SFXN5: variants seen among roughly 807,000 people sequenced by gnomAD.
The protein encoded by SFXN5 is sideroflexin 5.
Under a neutral mutation model 50.2 loss-of-function variants are expected in SFXN5, and 43 were observed. That is an observed-to-expected ratio of 0.86 (90% confidence interval 0.67 to 1.11). The LOEUF (loss-of-function observed/expected upper bound fraction) is 1.11, where lower values mean the gene tolerates loss of function less well. Among genes scored for constraint, SFXN5 ranks in the 50% least tolerant of loss-of-function variants. The pLI is 0.00. For synonymous variants in SFXN5, 203 were observed against 185.8 expected (o/e 1.09, Z -0.75); for missense variants, 463 against 454.1 (o/e 1.02, Z -0.18).
At chr2:72,965,200 G>A (rs534154281) in intron 12 of SFXN5, among the ~76,000 whole-genome samples, 14 of 152,296 alleles carry the variant, frequency 9.2e-5, no homozygotes, top group African/African-American at 2.2e-4. Flanking sequence ...GCACGCTGGC[G>A]GAAGGGCACA....
intron 3 of SFXN5, among the ~76,000 whole-genome samples, chr2:73,029,133 C>T (rs912870378): frequency 2.0e-5 from 3 of 152,126 alleles, no homozygotes; most frequent in Admixed American, 6.5e-5. Context: ...TGTCCCCGAG[C>T]CTCCCACGGA....
intron 3 of SFXN5, among the ~76,000 whole-genome samples, chr2:73,025,592 C>G (rs1344566094): frequency 1.3e-5 from 2 of 152,148 alleles, no homozygotes; most frequent in African/African-American, 4.8e-5. Context: ...AAAACCCTCT[C>G]GGGGAGGAAG....
chr2:72,961,360 G>T lies in SFXN5; in HGVS notation c.828-112C>A. On this transcript the variant is annotated intron_variant, in intron 12 of 13. Coordinates refer to ENST00000272433, the MANE Select transcript of SFXN5 (RefSeq NM_144579.3). This position sits in a 1 kb window ranked among gnomAD's most constrained non-coding sequence, Gnocchi z 4.4. ...CTGGGCCCAGGAAGCGTGGTTCCGG[G>T]GCAGTGCCAGTGTGCAGCTAAACAG... 1.6e-6 allele frequency: 1 copy of T among 641,596 alleles called. No homozygotes were observed. The highest frequency in any genetic ancestry group is 2.5e-6 in the Non-Finnish European group (1 of 393,840). 39.7% of individuals were successfully genotyped at this position (641,596 alleles called of 1,614,324 possible). A position where few individuals can be genotyped will look rare whatever the true frequency, so the allele number is the denominator to read the frequency against.
At chr2:73,055,541 CCTATAATCCCAG>C (rs1681973088) in intron 2 of SFXN5, among the ~76,000 whole-genome samples, 1 of 152,010 alleles carries the variant, frequency 6.6e-6, no homozygotes, top group African/African-American at 2.4e-5. Context: ...GTGACTCCCG[CCTATAATCCCAG>C]CAATCTGGTA....
intron 10 of SFXN5, among the ~76,000 whole-genome samples, chr2:72,977,869 G>A (rs1385272929): frequency 6.6e-6 from 1 of 151,802 alleles, no homozygotes; most frequent in Non-Finnish European, 1.5e-5. Flanking sequence ...AGCTACTCAG[G>A]AGGCTGAGGC....
At chr2:73,001,016 T>C (rs1202251335) in intron 7 of SFXN5, among the ~76,000 whole-genome samples, 2 of 152,242 alleles carry the variant, frequency 1.3e-5, no homozygotes, top group Non-Finnish European at 2.9e-5. Context: ...CGTCTTTCTC[T>C]GCACACACAA....
intron 6 of SFXN5, among the ~76,000 whole-genome samples, chr2:73,002,868 TAG>T (rs1674092372): frequency 6.6e-6 from 1 of 152,350 alleles, no homozygotes; most frequent in African/African-American, 2.4e-5. Flanking sequence ...ACCTGGGTCT[TAG>T]ATTCAGCTCC....
chr2:72,964,619 T>A (rs1674155786), intron 12 of SFXN5, among the ~76,000 whole-genome samples: 1 of 152,248 alleles, frequency 6.6e-6, no homozygotes, highest in Non-Finnish European at 1.5e-5. Context: ...CACACAGTCC[T>A]GCACTTCCAG....
chr2:72,955,648 G>A (rs1035418853), intron 13 of SFXN5, among the ~76,000 whole-genome samples: 2 of 152,212 alleles, frequency 1.3e-5, no homozygotes, highest in African/African-American at 2.4e-5. Flanking sequence ...AGGGAACACC[G>A]GCTGTCAGAG....
chr2:72,971,766 T>C (rs1363845051), intron 10 of SFXN5, 81 bp from the exon 11 acceptor site: 1 of 1,047,196 alleles, frequency 9.5e-7, no homozygotes, highest in Non-Finnish European at 1.5e-6. Flanking sequence ...CACTCCTTCC[T>C]ACGCAAGCCT....
chr2:73,005,082 G>A (rs1042596827), intron 6 of SFXN5, among the ~76,000 whole-genome samples: 4 of 152,120 alleles, frequency 2.6e-5, no homozygotes, highest in African/African-American at 9.7e-5. Context: ...CGATTCAGGC[G>A]TGGCCACGCA....
chr2:73,064,172 G>A (rs1683011699), intron 1 of SFXN5, among the ~76,000 whole-genome samples: 1 of 152,178 alleles, frequency 6.6e-6, no homozygotes, highest in South Asian at 2.1e-4. Flanking sequence ...AAAGATCCCA[G>A]AAGAAGCTGA....
chr2:73,071,425 G>A, intron 1 of SFXN5, 179 bp downstream of exon 1: 2 of 596,744 alleles, frequency 3.4e-6, no homozygotes, highest in Non-Finnish European at 2.9e-6. Flanking sequence ...GGGAGTCCGC[G>A]CCCGCCCCGT....
intron 1 of SFXN5, among the ~76,000 whole-genome samples, chr2:73,064,464 C>T (rs778127739): frequency 1.3e-5 from 2 of 152,218 alleles, no homozygotes; most frequent in African/African-American, 2.4e-5. Context: ...CACAAACCAG[C>T]CCAGGAGCAG....
intron 12 of SFXN5, among the ~76,000 whole-genome samples, chr2:72,963,791 T>A (rs1470119293): frequency 6.6e-6 from 1 of 152,104 alleles, no homozygotes; most frequent in East Asian, 1.9e-4. Flanking sequence ...AGAGCCCTCC[T>A]GATCCAGCAC....
chr2:73,015,817 A>G (rs1320202522), intron 6 of SFXN5, among the ~76,000 whole-genome samples: 5 of 152,008 alleles, frequency 3.3e-5, no homozygotes, highest in Non-Finnish European at 7.4e-5. Context: ...CATGCCTGTA[A>G]TCCCAACACT....
rs780735922 is a variant in SFXN5 at position 72,944,097 on chromosome 2, C to T, written c.*925G>A. On this transcript the variant is annotated 3_prime_UTR_variant, in exon 14 of 14. Coordinates refer to ENST00000272433, the MANE Select transcript of SFXN5 (RefSeq NM_144579.3). ...GCAGCCTTGGTGGCTGGAGAAGCTCCGCAGAAGGCAGCCAGCCCAGTCTAG... is the reference window on the plus strand; with the variant it reads ...GCAGCCTTGGTGGCTGGAGAAGCTCTGCAGAAGGCAGCCAGCCCAGTCTAG... 6.6e-6 allele frequency: 1 copy of T among 152,250 alleles called. No homozygotes were observed. Among genetic ancestry groups the T allele is most frequent in the Non-Finnish European group, 1.5e-5 (1 of 68,082 alleles). 9.4% of individuals were successfully genotyped at this position (152,250 alleles called of 1,614,324 possible).
At chr2:73,024,930 A>C (rs1241079036) in intron 3 of SFXN5, among the ~76,000 whole-genome samples, 1 of 152,220 alleles carries the variant, frequency 6.6e-6, no homozygotes, top group Non-Finnish European at 1.5e-5. Flanking sequence ...TGAGTCCCTC[A>C]AACCTTACTT....
At chr2:73,057,793 A>G (rs1682338322) in intron 2 of SFXN5, among the ~76,000 whole-genome samples, 1 of 152,132 alleles carries the variant, frequency 6.6e-6, no homozygotes, top group South Asian at 2.1e-4. Flanking sequence ...AGTTCCCATG[A>G]GATCTGATGG....
Sources: gnomAD v4.1 joint callset for allele counts (sites outside exome capture counted in the v4.1 genomes callset) on GRCh38, gnomAD v4.1.1 for gene constraint, Gnocchi (gnomAD v3.1) non-coding constraint, MANE v1.5 for transcripts, NCBI Gene and HGNC (gene_info 2026-07-23, HGNC 2026-07-21) for gene names.